The following TMEM232 variants were observed in gnomAD, a reference collection of about 807,000 sequenced individuals.
TMEM232 encodes the protein transmembrane protein 232.
A neutral mutation model predicts 78.8 loss-of-function variants in TMEM232; 80 were observed. The ratio of observed to expected loss-of-function variants is 1.01; its 90% CI spans 0.85 to 1.22. TMEM232 has a LOEUF of 1.22. Among genes scored for constraint, TMEM232 ranks in the 50% most tolerant of loss-of-function variants. The pLI is 0.00. For synonymous variants in TMEM232, 297 were observed against 254.3 expected (o/e 1.17, Z -1.60); for missense variants, 881 against 742.2 (o/e 1.19, Z -2.17).
chr5:110,545,347 G>A (rs192035612), intron 11 of TMEM232, among the ~76,000 whole-genome samples: 107 of 152,020 alleles, frequency 7.0e-4, no homozygotes, highest in African/African-American at 2.5e-3. Flanking sequence ...TTATATATAT[G>A]TATATAACAG....
At chr5:110,568,304 G>A in intron 11 of TMEM232, 143 bp downstream of exon 11, 1 of 838,064 alleles carries the variant, frequency 1.2e-6, no homozygotes, top group Non-Finnish European at 1.8e-6. Context: ...AAATAGATCA[G>A]TGTTAAGTTT....
At chr5:110,452,395 CA>C (rs1760401943) in intron 12 of TMEM232, among the ~76,000 whole-genome samples, 1 of 152,082 alleles carries the variant, frequency 6.6e-6, no homozygotes, top group African/African-American at 2.4e-5. Context: ...AGAATCCATC[CA>C]GATCATTTAA....
At chr5:110,687,595 T>G (rs984218626) in intron 1 of TMEM232, among the ~76,000 whole-genome samples, 1 of 152,156 alleles carries the variant, frequency 6.6e-6, no homozygotes, top group Non-Finnish European at 1.5e-5. Context: ...AGCATAAGGT[T>G]TGAGTATATG....
At chr5:110,628,193 CAATT>C (rs567626937) in intron 5 of TMEM232, among the ~76,000 whole-genome samples, 79 of 151,870 alleles carry the variant, frequency 5.2e-4, no homozygotes, top group African/African-American at 1.8e-3. Context: ...GTCATGAAAT[CAATT>C]GAGAGGAGAT....
intron 12 of TMEM232, among the ~76,000 whole-genome samples, chr5:110,434,960 C>A (rs1418574236): frequency 6.6e-6 from 1 of 151,898 alleles, no homozygotes; most frequent in Non-Finnish European, 1.5e-5. Context: ...TCCCTCAAAA[C>A]CCCCAGCCAA....
At chr5:110,717,662 G>C (rs1386893014) in intron 1 of TMEM232, among the ~76,000 whole-genome samples, 1 of 152,146 alleles carries the variant, frequency 6.6e-6, no homozygotes, top group Non-Finnish European at 1.5e-5. Context: ...CATGTTGAGA[G>C]AGGAACTTGG....
chr5:110,457,816 G>C (rs1049192084), intron 12 of TMEM232, among the ~76,000 whole-genome samples: 1 of 151,694 alleles, frequency 6.6e-6, no homozygotes, highest in African/African-American at 2.4e-5. Flanking sequence ...TGGAAATGTT[G>C]GTATATATTA....
intron 1 of TMEM232, among the ~76,000 whole-genome samples, chr5:110,694,212 T>C (rs969057151): frequency 6.6e-6 from 1 of 152,136 alleles, no homozygotes; most frequent in African/African-American, 2.4e-5. Context: ...CTAAGTTTCA[T>C]AAGTGAAGGA....
intron 12 of TMEM232, among the ~76,000 whole-genome samples, chr5:110,453,441 A>G (rs1341405830): frequency 6.6e-6 from 1 of 152,040 alleles, no homozygotes; most frequent in African/African-American, 2.4e-5. Context: ...AGCTGGGATT[A>G]CAGGCATGCT....
At chr5:110,644,293 A>G (rs1196666150) in intron 2 of TMEM232, among the ~76,000 whole-genome samples, 1 of 151,942 alleles carries the variant, frequency 6.6e-6, no homozygotes, top group Non-Finnish European at 1.5e-5. Context: ...AGTGTCCAAA[A>G]TAACTTTAAT....
chr5:110,550,649 G>A (rs1391432439), intron 11 of TMEM232, among the ~76,000 whole-genome samples: 2 of 151,602 alleles, frequency 1.3e-5, no homozygotes, highest in Admixed American at 1.3e-4. Flanking sequence ...ATATCAAACA[G>A]CTAGAAATAT....
chr5:110,629,199 G>A (rs955626781), intron 5 of TMEM232, among the ~76,000 whole-genome samples: 5 of 151,522 alleles, frequency 3.3e-5, no homozygotes, highest in Admixed American at 3.3e-4. Flanking sequence ...ATCAGAAGGA[G>A]GATAATTTAA....
At chr5:110,646,600 A>G (rs1385379191) in intron 2 of TMEM232, among the ~76,000 whole-genome samples, 2 of 151,776 alleles carry the variant, frequency 1.3e-5, no homozygotes, top group East Asian at 1.9e-4. Flanking sequence ...TAAAACTACT[A>G]AAAGAATGCA....
At chr5:110,590,156 A>T (rs528459188) in intron 10 of TMEM232, among the ~76,000 whole-genome samples, 7 of 152,262 alleles carry the variant, frequency 4.6e-5, no homozygotes, top group East Asian at 3.9e-4. Context: ...ACCACTCAGC[A>T]CTTCAGTTAT....
At chr5:110,463,413 A>G (rs935583741) in intron 12 of TMEM232, among the ~76,000 whole-genome samples, 1 of 152,230 alleles carries the variant, frequency 6.6e-6, no homozygotes, top group Non-Finnish European at 1.5e-5. Flanking sequence ...GCACTGGGGA[A>G]TAACAGAATT....
At chr5:110,685,370 T>C (rs1174569826) in intron 1 of TMEM232, among the ~76,000 whole-genome samples, 2 of 152,058 alleles carry the variant, frequency 1.3e-5, no homozygotes, top group African/African-American at 2.4e-5. Flanking sequence ...ATTGGTGATA[T>C]ACAGAACAAA....
At chr5:110,573,765 T>A (rs1250293638) in intron 10 of TMEM232, among the ~76,000 whole-genome samples, 1 of 151,802 alleles carries the variant, frequency 6.6e-6, no homozygotes, top group Non-Finnish European at 1.5e-5. Context: ...TGAAGAAGAG[T>A]TAATCATTGA....
intron 10 of TMEM232, among the ~76,000 whole-genome samples, chr5:110,578,982 T>C (rs1201648455): frequency 1.3e-5 from 2 of 151,712 alleles, no homozygotes; most frequent in African/African-American, 4.8e-5. Context: ...AAGAAAAATG[T>C]ACATCCAGAT....
At chr5:110,416,212 G>A (rs311700), downstream of TMEM232, among the ~76,000 whole-genome samples, 36,135 of 152,124 alleles carry the variant, frequency 0.24, 7,652 homozygotes, top group African/African-American at 0.57. Flanking sequence ...GAGCCTTACA[G>A]ATACCTAGTC....
Sources: gnomAD v4.1 joint callset for allele counts (sites outside exome capture counted in the v4.1 genomes callset) on GRCh38, gnomAD v4.1.1 for gene constraint, MANE v1.5 for transcripts, NCBI Gene and HGNC (gene_info 2026-07-23, HGNC 2026-07-21) for gene names.